CTNNA3: variants seen among roughly 807,000 people sequenced by gnomAD.
CTNNA3 encodes the protein catenin alpha 3.
A neutral mutation model predicts 95.7 loss-of-function variants in CTNNA3; 76 were observed. The ratio of observed to expected loss-of-function variants is 0.79; its 90% CI spans 0.66 to 0.96. CTNNA3 has a LOEUF of 0.96. CTNNA3 is among the 40% of genes least tolerant of loss of function. The pLI is 0.00. For synonymous variants in CTNNA3, 431 were observed against 374.4 expected (o/e 1.15, Z -1.74); for missense variants, 1,191 against 1,089.8 (o/e 1.09, Z -1.31).
chr10:66,694,019 A>C (rs1015092785), intron 9 of CTNNA3, among the ~76,000 whole-genome samples: 3 of 152,138 alleles, frequency 2.0e-5, no homozygotes, highest in African/African-American at 7.2e-5. Flanking sequence ...GGAAACATCC[A>C]AAATTGACAC....
At chr10:67,700,604 T>C (rs1045749148), upstream of CTNNA3, among the ~76,000 whole-genome samples, 1 of 152,084 alleles carries the variant, frequency 6.6e-6, no homozygotes, top group Non-Finnish European at 1.5e-5. Flanking sequence ...AGAAAGGACA[T>C]CCACACCAAA....
At chr10:67,575,340 G>GCGTAAACT in intron 3 of CTNNA3, among the ~76,000 whole-genome samples, 1 of 85,708 alleles carries the variant, frequency 1.2e-5, no homozygotes, top group African/African-American at 9.6e-5. Flanking sequence ...TTTCAATTGT[G>GCGTAAACT]TGTTTTGAGA....
At chr10:67,085,925 T>C (rs1857285121) in intron 7 of CTNNA3, among the ~76,000 whole-genome samples, 1 of 151,836 alleles carries the variant, frequency 6.6e-6, no homozygotes, top group Admixed American at 6.6e-5. Flanking sequence ...ACGTTATCTA[T>C]ATAAAGCCTC....
At chr10:66,328,933 T>TATATATATATACACAC (rs59003281) in intron 12 of CTNNA3, among the ~76,000 whole-genome samples, 3 of 115,416 alleles carry the variant, frequency 2.6e-5, no homozygotes, top group Non-Finnish European at 5.5e-5. Context: ...TATATATATA[T>TATATATATATACACAC]ACACACACAC....
At chr10:66,145,957 G>A (rs963548459) in intron 13 of CTNNA3, among the ~76,000 whole-genome samples, 7 of 152,032 alleles carry the variant, frequency 4.6e-5, no homozygotes, top group African/African-American at 1.7e-4. Flanking sequence ...CGGTTCAAGC[G>A]ATTCTCCTGC....
At chr10:67,550,171 T>C (rs907696326) in intron 3 of CTNNA3, among the ~76,000 whole-genome samples, 1 of 152,196 alleles carries the variant, frequency 6.6e-6, no homozygotes, top group African/African-American at 2.4e-5. Context: ...AGTTTATCCC[T>C]TAAAAGAATA....
At chr10:67,700,792 T>C (rs374197565), upstream of CTNNA3, among the ~76,000 whole-genome samples, 1 of 151,812 alleles carries the variant, frequency 6.6e-6, no homozygotes, top group Non-Finnish European at 1.5e-5. Flanking sequence ...CTTTGACGAG[T>C]TGAGAGAAGA....
At chr10:66,612,770 G>A (rs1033619589) in intron 10 of CTNNA3, among the ~76,000 whole-genome samples, 13 of 151,908 alleles carry the variant, frequency 8.6e-5, no homozygotes, top group African/African-American at 1.7e-4. Flanking sequence ...TTCCATCTCC[G>A]TTGCCTAGAA....
chr10:67,304,379 T>A (rs1840452977), intron 5 of CTNNA3, among the ~76,000 whole-genome samples: 2 of 152,198 alleles, frequency 1.3e-5, no homozygotes, highest in African/African-American at 4.8e-5. Flanking sequence ...CACATTCTCA[T>A]CAATGTTTCA....
intron 1 of CTNNA3, among the ~76,000 whole-genome samples, chr10:67,743,006 A>C (rs534965225): frequency 6.6e-6 from 1 of 151,482 alleles, no homozygotes; most frequent in African/African-American, 2.4e-5. Context: ...TGAGGCAATA[A>C]TCAATAGCTT....
intron 7 of CTNNA3, among the ~76,000 whole-genome samples, chr10:66,941,736 C>T (rs915596804): frequency 7.9e-5 from 12 of 152,136 alleles, no homozygotes; most frequent in African/African-American, 2.4e-4. Context: ...ATTCAAGCCG[C>T]GTGAGCTGAG....
chr10:67,702,511 T>C (rs1257295085), intron 1 of CTNNA3, among the ~76,000 whole-genome samples: 1 of 152,202 alleles, frequency 6.6e-6, no homozygotes, highest in East Asian at 1.9e-4. Context: ...CTAAACAACC[T>C]GCTCCTGAAT....
chr10:67,705,211 A>G (rs923032134), intron 1 of CTNNA3, among the ~76,000 whole-genome samples: 1 of 151,914 alleles, frequency 6.6e-6, no homozygotes, highest in Admixed American at 6.6e-5. Flanking sequence ...ATTGTGGAAG[A>G]CAGTGTGGCG....
At chr10:66,461,023 C>T (rs1030414502) in intron 11 of CTNNA3, among the ~76,000 whole-genome samples, 4 of 152,056 alleles carry the variant, frequency 2.6e-5, no homozygotes, top group African/African-American at 9.7e-5. Flanking sequence ...GAGTCTGCTT[C>T]GATCTCTACT....
intron 14 of CTNNA3, among the ~76,000 whole-genome samples, chr10:66,094,254 C>T (rs963725750): frequency 2.0e-5 from 3 of 151,820 alleles, no homozygotes; most frequent in African/African-American, 7.3e-5. Context: ...GATTTCTGCA[C>T]GAGGAGGTAG....
intron 5 of CTNNA3, among the ~76,000 whole-genome samples, chr10:67,236,830 G>A (rs1865485250): frequency 6.6e-6 from 1 of 151,572 alleles, no homozygotes. Flanking sequence ...ATAAAAAACA[G>A]TAGATGTTGG....
At chr10:67,309,969 T>C (rs565798784) in intron 5 of CTNNA3, among the ~76,000 whole-genome samples, 11 of 152,286 alleles carry the variant, frequency 7.2e-5, no homozygotes, top group African/African-American at 2.6e-4. Flanking sequence ...TAAATAGATG[T>C]TTCTATTTAC....
At chr10:67,635,097 T>C (rs891912459) in intron 2 of CTNNA3, among the ~76,000 whole-genome samples, 2 of 151,870 alleles carry the variant, frequency 1.3e-5, no homozygotes, top group Non-Finnish European at 2.9e-5. Flanking sequence ...CCTGGACACA[T>C]ACACCCTCCC....
intron 13 of CTNNA3, among the ~76,000 whole-genome samples, chr10:66,253,645 A>G (rs1016388791): frequency 6.6e-6 from 1 of 152,104 alleles, no homozygotes; most frequent in African/African-American, 2.4e-5. Flanking sequence ...GGTTTCTTTC[A>G]CAATAGTTTT....
Sources: allele counts gnomAD v4.1 joint callset (sites outside exome capture counted in the v4.1 genomes callset), GRCh38; gene constraint gnomAD v4.1.1; transcripts MANE v1.5; gene names NCBI Gene and HGNC (gene_info 2026-07-23, HGNC 2026-07-21).